The following GPC6 variants were observed in gnomAD, a reference collection of about 807,000 sequenced individuals.
GPC6 encodes the protein glypican-6.
A neutral mutation model predicts 55.2 loss-of-function variants in GPC6; 14 were observed. The observed-to-expected ratio is 0.25, with a 90% confidence interval of 0.17 to 0.40. The LOEUF is 0.40. GPC6 is among the 10% of genes least tolerant of loss of function. GPC6 has a pLI of 1.00. For missense variants in GPC6, 641 were observed against 708.5 expected, an observed-to-expected ratio of 0.90 and a Z score of 1.08; for synonymous variants, 278 against 259.6, an observed-to-expected ratio of 1.07 and a Z score of -0.68.
intron 5 of GPC6, among the ~76,000 whole-genome samples, chr13:94,300,406 C>G (rs763879437): frequency 1.1e-4 from 17 of 152,158 alleles, no homozygotes; most frequent in Admixed American, 4.6e-4. Context: ...AAACCTAAGA[C>G]ACAGCACTTA....
intron 7 of GPC6, among the ~76,000 whole-genome samples, chr13:94,390,727 T>C (rs1387251131): frequency 6.6e-6 from 1 of 152,160 alleles, no homozygotes; most frequent in East Asian, 1.9e-4. Flanking sequence ...ACCATATCAG[T>C]GGGAATTCTG....
chr13:93,776,265 C>T (rs190715557), intron 2 of GPC6, among the ~76,000 whole-genome samples: 1 of 152,154 alleles, frequency 6.6e-6, no homozygotes, highest in African/African-American at 2.4e-5. Flanking sequence ...TGATAGCTTA[C>T]ATGTATTCAA....
intron 1 of GPC6, among the ~76,000 whole-genome samples, chr13:93,510,975 ATATATATATGTG>A (rs1880941183): frequency 5.7e-4 from 4 of 6,988 alleles, no homozygotes; most frequent in South Asian, 0.037. Flanking sequence ...ATATATGTGT[ATATATATATGTG>A]TATATATATA....
At chr13:94,011,860 C>T (rs1882260432) in intron 3 of GPC6, among the ~76,000 whole-genome samples, 1 of 152,162 alleles carries the variant, frequency 6.6e-6, no homozygotes, top group Non-Finnish European at 1.5e-5. Flanking sequence ...ATCCATCATT[C>T]ATTTTCATTA....
intron 1 of GPC6, among the ~76,000 whole-genome samples, chr13:93,260,322 T>C (rs568193855): frequency 3.7e-4 from 57 of 152,234 alleles, no homozygotes; most frequent in Middle Eastern, 3.4e-3. Context: ...TAAAAATAAT[T>C]TTATTAATAC....
intron 1 of GPC6, among the ~76,000 whole-genome samples, chr13:93,322,389 A>G (rs1316459441): frequency 6.6e-6 from 1 of 151,366 alleles, no homozygotes; most frequent in African/African-American, 2.4e-5. Flanking sequence ...TGTGGTATTC[A>G]GAACCAGAAA....
chr13:93,252,946 C>T (rs895770323), intron 1 of GPC6, among the ~76,000 whole-genome samples: 2 of 152,120 alleles, frequency 1.3e-5, no homozygotes, highest in African/African-American at 4.8e-5. Flanking sequence ...TTGGCTTAAG[C>T]CAATGGAAAT....
intron 4 of GPC6, among the ~76,000 whole-genome samples, chr13:94,245,445 C>G (rs1283927788): frequency 6.6e-6 from 1 of 151,828 alleles, no homozygotes; most frequent in Non-Finnish European, 1.5e-5. Context: ...TGGCACATTC[C>G]TATAGTCCCA....
At position 93,972,771 on chromosome 13, in the gene GPC6, T is replaced by A. The variant is rs74109171; in HGVS notation, c.712-54958T>A. On this transcript the variant is annotated intron_variant, in intron 3 of 8. Coordinates refer to ENST00000377047, the MANE Select transcript of GPC6 (RefSeq NM_005708.5). ...AGGATAATAGGCCCCTTCACCCCAA[T>A]GAGATGCAAATTCCAGGTGCTTGGC... Among the ~76,000 whole-genome samples the A allele has an allele frequency of 8.1e-3, 1,240 of 152,270 alleles. 17 individuals carry two copies. The highest frequency in any genetic ancestry group is 0.028 in the African/African-American group (1,179 of 41,552).
intron 6 of GPC6, among the ~76,000 whole-genome samples, chr13:94,335,956 A>G (rs1471600712): frequency 6.7e-6 from 1 of 150,044 alleles, no homozygotes; most frequent in Admixed American, 6.7e-5. Context: ...AAGGGTGTAG[A>G]GAGGAGAGTC....
At chr13:93,619,502 G>C (rs1878864412) in intron 2 of GPC6, among the ~76,000 whole-genome samples, 1 of 152,110 alleles carries the variant, frequency 6.6e-6, no homozygotes, top group South Asian at 2.1e-4. Context: ...ACCCAGGATA[G>C]AGTTCAGTGG....
intron 4 of GPC6, among the ~76,000 whole-genome samples, chr13:94,091,077 C>G (rs758563031): frequency 6.6e-6 from 1 of 152,126 alleles, no homozygotes; most frequent in South Asian, 2.1e-4. Flanking sequence ...CATCTATTCA[C>G]TGCAATGTAG....
chr13:94,247,573 T>C (rs970864494), intron 4 of GPC6, among the ~76,000 whole-genome samples: 1 of 152,164 alleles, frequency 6.6e-6, no homozygotes, highest in Non-Finnish European at 1.5e-5. Flanking sequence ...TGTTGAACTT[T>C]GTTACATATT....
At chr13:93,415,422 G>T (rs941553880) in intron 1 of GPC6, among the ~76,000 whole-genome samples, 1 of 151,922 alleles carries the variant, frequency 6.6e-6, no homozygotes, top group Non-Finnish European at 1.5e-5. Flanking sequence ...GCATTCATTT[G>T]TATGACAAAC....
chr13:94,267,213 A>G (rs1161873832), intron 4 of GPC6, among the ~76,000 whole-genome samples: 4 of 152,124 alleles, frequency 2.6e-5, no homozygotes, highest in Admixed American at 1.3e-4. Flanking sequence ...TGTCCAGTCA[A>G]TATAATTTTG....
At chr13:93,881,843 C>A (rs1874996061) in intron 3 of GPC6, among the ~76,000 whole-genome samples, 1 of 152,034 alleles carries the variant, frequency 6.6e-6, no homozygotes, top group Non-Finnish European at 1.5e-5. Context: ...CAGGGAGAAA[C>A]CTGGCTTCCA....
At chr13:94,381,258 A>G (rs1880143479) in intron 6 of GPC6, among the ~76,000 whole-genome samples, 1 of 152,224 alleles carries the variant, frequency 6.6e-6, no homozygotes, top group Admixed American at 6.5e-5. Flanking sequence ...AGGCCGTCAT[A>G]ACAAAGTACC....
At position 94,407,642 on chromosome 13, in the gene GPC6, G is replaced by C. The variant is rs771908219; in HGVS notation, c.*4425G>C. ...GAAAATACTGTAGCGCTGTTCTTTT[G>C]TACTGATTTCTTCTCAGAGGATAAA... On this transcript the variant is annotated 3_prime_UTR_variant, in exon 9 of 9. Coordinates refer to ENST00000377047, the MANE Select transcript of GPC6 (RefSeq NM_005708.5). Among the ~76,000 whole-genome samples the C allele has an allele frequency of 2.6e-5, 4 of 152,118 alleles. No individual in the cohort carries two copies. The highest frequency in any genetic ancestry group is 5.9e-5 in the Non-Finnish European group (4 of 67,984).
At chr13:93,904,418 TATC>T (rs1291950177) in intron 3 of GPC6, among the ~76,000 whole-genome samples, 1 of 152,164 alleles carries the variant, frequency 6.6e-6, no homozygotes, top group Non-Finnish European at 1.5e-5. Context: ...TTAGTAATGT[TATC>T]ATCCACTAGG....
Sources: gnomAD v4.1 joint callset for allele counts (sites outside exome capture counted in the v4.1 genomes callset) on GRCh38, gnomAD v4.1.1 for gene constraint, MANE v1.5 for transcripts, NCBI Gene and HGNC (gene_info 2026-07-23, HGNC 2026-07-21) for gene names.